NEBL: variants seen among roughly 807,000 people sequenced by gnomAD.
NEBL encodes the protein nebulette.
In NEBL, 122 loss-of-function variants were observed where a neutral mutation model predicts 140.2. The ratio of observed to expected loss-of-function variants is 0.87; its 90% CI spans 0.75 to 1.01. The LOEUF is 1.01. NEBL is among the 50% of genes least tolerant of loss of function. NEBL has a pLI of 0.00. For synonymous variants in NEBL, 436 were observed against 398.9 expected, an observed-to-expected ratio of 1.09 and a Z score of -1.11; for missense variants, 1,365 against 1,231.3, an observed-to-expected ratio of 1.11 and a Z score of -1.62.
At chr10:21,221,541 G>A (rs981660630) in intron 3 of NEBL, among the ~76,000 whole-genome samples, 3 of 151,100 alleles carry the variant, frequency 2.0e-5, no homozygotes, top group African/African-American at 7.3e-5. Flanking sequence ...GGCTTGCTTT[G>A]TTGCCCAGGC....
chr10:20,837,507 A>G (rs530897669), intron 13 of NEBL, among the ~76,000 whole-genome samples: 55 of 151,564 alleles, frequency 3.6e-4, no homozygotes, highest in Non-Finnish European at 6.2e-4. Context: ...GAAAGAAGCC[A>G]TCTCCATCAT....
At chr10:21,261,654 AAAAG>A (rs945499660) in intron 1 of NEBL, among the ~76,000 whole-genome samples, 48 of 152,144 alleles carry the variant, frequency 3.2e-4, no homozygotes, top group Non-Finnish European at 4.9e-4. Flanking sequence ...CTCAAAAAAA[AAAAG>A]AAAGAAAGAA....
intron 2 of NEBL, among the ~76,000 whole-genome samples, chr10:21,059,037 T>A (rs1835162939): frequency 6.6e-6 from 1 of 152,258 alleles, no homozygotes; most frequent in Non-Finnish European, 1.5e-5. Flanking sequence ...TGAAAGATTA[T>A]AATCCATGTT....
rs57844177 is a variant in NEBL, at chr10:20,796,367, GAAAAAAAAAAAA to G, written c.2762-9071_2762-9060del. Among the ~76,000 whole-genome samples, 14 of 51,520 alleles carry G rather than the reference GAAAAAAAAAAAA, an allele frequency of 2.7e-4. No homozygotes were observed. In the East Asian group the frequency reaches 3.9e-3, roughly 14 times the overall value. 33.8% of individuals were successfully genotyped at this position (51,520 alleles called of 152,430 possible). A position where few individuals can be genotyped will look rare whatever the true frequency, so the allele number is the denominator to read the frequency against. On this transcript the variant is annotated intron_variant, in intron 26 of 27. Transcript: ENST00000377122. ...AAGAGTGAAACTCAGTCTAAAACAA[GAAAAAAAAAAAA>G]AAAAAAAAAAAAAAACTTCTCTAAA...
chr10:20,912,001 AATT>A (rs1173874187), intron 4 of NEBL, among the ~76,000 whole-genome samples: 5 of 152,220 alleles, frequency 3.3e-5, no homozygotes, highest in African/African-American at 9.6e-5. Context: ...TGGGGAAATA[AATT>A]ATTATCTTAA....
At chr10:21,190,186 G>C (rs1311667479) in intron 3 of NEBL, among the ~76,000 whole-genome samples, 1 of 152,098 alleles carries the variant, frequency 6.6e-6, no homozygotes, top group East Asian at 1.9e-4. Flanking sequence ...GACAACACAA[G>C]ATCCTGGATT....
chr10:21,279,430 G>T (rs1025460803), intron 1 of NEBL, among the ~76,000 whole-genome samples: 11 of 151,300 alleles, frequency 7.3e-5, no homozygotes, highest in Non-Finnish European at 4.4e-5. Context: ...TAAAGCACTG[G>T]GATTACAGGC....
At chr10:21,271,660 G>A (rs1842861948) in intron 1 of NEBL, among the ~76,000 whole-genome samples, 1 of 151,590 alleles carries the variant, frequency 6.6e-6, no homozygotes, top group African/African-American at 2.4e-5. Flanking sequence ...TGAGCAGCTG[G>A]GACAATGGGC....
chr10:20,956,166 T>C (rs1331380158), intron 4 of NEBL, among the ~76,000 whole-genome samples: 2 of 152,184 alleles, frequency 1.3e-5, no homozygotes, highest in Admixed American at 6.5e-5. Context: ...ACCACAGATT[T>C]GGAAACAAGA....
chr10:21,263,582 A>G (rs2132282829), intron 1 of NEBL, among the ~76,000 whole-genome samples: 1 of 152,190 alleles, frequency 6.6e-6, no homozygotes, highest in African/African-American at 2.4e-5. Context: ...TAGTTTTGGG[A>G]AGGGACTATG....
In NEBL at chr10:21,103,812, T is replaced by A. The variant is rs1483986640; in HGVS notation, c.164+68571A>T. On this transcript the variant is annotated intron_variant, in intron 2 of 6. Coordinates refer to the NEBL transcript ENST00000417816. ...CATTTTCATAAAGTCAATGTATCCA[T>A]TTTTTTCATTTATAGTTATACTTTT... is the stretch of plus-strand genomic sequence containing the variant. Among the ~76,000 whole-genome samples, 5 of 152,188 alleles carry A rather than the reference T, an allele frequency of 3.3e-5. No homozygotes were observed. The East Asian group carries it at 9.6e-4, about 29-fold the overall frequency.
chr10:21,214,486 C>T (rs534205905), intron 3 of NEBL, among the ~76,000 whole-genome samples: 25 of 143,380 alleles, frequency 1.7e-4, no homozygotes, highest in Admixed American at 8.8e-4. Flanking sequence ...CACACACACG[C>T]GCACATTACA....
In NEBL at chr10:21,120,417, TATATA is replaced by T. The variant is rs1489617503; in HGVS notation, c.164+51961_164+51965del. ...ACATATATATATATATATATATATA[TATATA>T]TAAATTTGATCACTGGTTTAAAGTA... On this transcript the variant is annotated intron_variant, in intron 2 of 6. Transcript: ENST00000417816. 2.3e-3 allele frequency among the ~76,000 whole-genome samples: 302 copies of T among 129,522 alleles called. 22 individuals are homozygous for T. Among genetic ancestry groups the T allele is most frequent in the Middle Eastern group, 0.012 (3 of 256 alleles). The allele number at this position is 129,522 out of a possible 152,430, so 85.0% of individuals were successfully genotyped here.
chr10:21,253,813 G>A (rs1189562517), intron 1 of NEBL, among the ~76,000 whole-genome samples: 1 of 151,924 alleles, frequency 6.6e-6, no homozygotes, highest in Non-Finnish European at 1.5e-5. Context: ...CAAAGTACTG[G>A]GATTACAGGC....
chr10:21,045,602 A>G (rs1041944450), intron 2 of NEBL, among the ~76,000 whole-genome samples: 37 of 152,208 alleles, frequency 2.4e-4, no homozygotes, highest in Non-Finnish European at 4.6e-4. Context: ...CAAATGGCCA[A>G]CAGGTGTGTG....
At chr10:20,847,716 GA>G (rs1006709872) in intron 11 of NEBL, among the ~76,000 whole-genome samples, 2 of 152,096 alleles carry the variant, frequency 1.3e-5, no homozygotes, top group African/African-American at 4.8e-5. Context: ...AAAGGAAAGT[GA>G]TTTTTGATCC....
At chr10:21,220,082 T>G (rs992458084) in intron 3 of NEBL, among the ~76,000 whole-genome samples, 1 of 152,072 alleles carries the variant, frequency 6.6e-6, no homozygotes, top group Non-Finnish European at 1.5e-5. Context: ...CTGGCTAATT[T>G]TTGTATTTTT....
intron 1 of NEBL, chr10:21,172,616 G>T: frequency 1.5e-6 from 1 of 680,306 alleles, no homozygotes; most frequent in East Asian, 2.7e-5. Flanking sequence ...GGGAACTGGG[G>T]ATGTGTTTAC....
At chr10:21,192,555 C>A (rs367604411) in intron 3 of NEBL, among the ~76,000 whole-genome samples, 2 of 150,568 alleles carry the variant, frequency 1.3e-5, no homozygotes, top group East Asian at 4.0e-4. Context: ...TAAGAGGGTA[C>A]AATTTCTGGC....
Sources: allele counts gnomAD v4.1 joint callset (sites outside exome capture counted in the v4.1 genomes callset), GRCh38; gene constraint gnomAD v4.1.1; transcripts MANE v1.5; gene names NCBI Gene and HGNC (gene_info 2026-07-23, HGNC 2026-07-21).